The following GTF2A1L variants were observed in gnomAD, a reference collection of about 807,000 sequenced individuals.
GTF2A1L encodes the protein TFIIA-alpha and beta-like factor.
A neutral mutation model predicts 49.7 loss-of-function variants in GTF2A1L; 48 were observed. That is an observed-to-expected ratio of 0.97 (90% confidence interval 0.77 to 1.23). The LOEUF is 1.23. GTF2A1L is among the 50% of genes most tolerant of loss of function. The pLI is 0.00. For synonymous variants in GTF2A1L, 246 were observed against 193.5 expected, an observed-to-expected ratio of 1.27 and a Z score of -2.25; for missense variants, 736 against 564.8, an observed-to-expected ratio of 1.30 and a Z score of -3.07.
At chr2:48,621,914 A>C (rs553542604) in intron 3 of GTF2A1L, among the ~76,000 whole-genome samples, 8 of 152,234 alleles carry the variant, frequency 5.3e-5, no homozygotes, top group African/African-American at 1.9e-4. Flanking sequence ...ATAAAACTTA[A>C]GAGTTTTCTA....
At chr2:48,631,693 T>C (rs950482153) in intron 3 of GTF2A1L, among the ~76,000 whole-genome samples, 1 of 152,184 alleles carries the variant, frequency 6.6e-6, no homozygotes, top group Non-Finnish European at 1.5e-5. Flanking sequence ...GTTATTTCTT[T>C]TCATCTGGCT....
At chr2:48,666,038 G>A (rs1678821882) in intron 6 of GTF2A1L, among the ~76,000 whole-genome samples, 1 of 151,898 alleles carries the variant, frequency 6.6e-6, no homozygotes, top group South Asian at 2.1e-4. Flanking sequence ...TATATTTAAT[G>A]TTTTTTATTT....
At chr2:48,634,897 C>T (rs1456909321) in intron 3 of GTF2A1L, among the ~76,000 whole-genome samples, 1 of 152,124 alleles carries the variant, frequency 6.6e-6, no homozygotes, top group African/African-American at 2.4e-5. Context: ...CCAGATTGGG[C>T]ACATCCATCT....
chr2:48,632,600 C>T (rs1258549400), intron 3 of GTF2A1L: 1 of 154,666 alleles, frequency 6.5e-6, no homozygotes, highest in Non-Finnish European at 1.4e-5. Context: ...CCAGGTTAGT[C>T]TCCAACTCCC....
intron 6 of GTF2A1L, among the ~76,000 whole-genome samples, chr2:48,652,919 C>T (rs904318639): frequency 1.3e-5 from 2 of 151,428 alleles, no homozygotes; most frequent in African/African-American, 4.8e-5. Flanking sequence ...TGGACTCGAA[C>T]TAATTGACTT....
At chr2:48,634,930 C>T (rs923434569) in intron 3 of GTF2A1L, among the ~76,000 whole-genome samples, 1 of 152,188 alleles carries the variant, frequency 6.6e-6, no homozygotes, top group Non-Finnish European at 1.5e-5. Context: ...GTGGCAGGTA[C>T]AAGCACTGAA....
rs1200242555 is a variant in GTF2A1L at position 48,620,856 on chromosome 2, A to T, written c.27A>T (p.Lys9Asn). 1.8e-5 allele frequency: 27 copies of T among 1,497,916 alleles called. No individual in the cohort carries two copies. The highest frequency in any genetic ancestry group is 2.4e-5 in the Non-Finnish European group (27 of 1,124,234). 92.8% of individuals were successfully genotyped at this position (1,497,916 alleles called of 1,614,324 possible). The change falls in exon 2 of 9, where the codon AAA becomes AAT. Residue 9 changes from lysine to asparagine, a missense_variant. Physicochemically the swap from Lys to Asn is moderately conservative, Grantham distance 94 (BLOSUM62 0). Transcript: ENST00000403751. Reference sequence around the variant, plus strand: ...TAACAATTGCTTTTATGTAGCCTAAACTCTACAGATCTGTAATTGAAGATG... The same window carrying T: ...TAACAATTGCTTTTATGTAGCCTAATCTCTACAGATCTGTAATTGAAGATG... MACLNPVPKLYRSVIEDVI... is the reference protein window; with the variant it reads MACLNPVPNLYRSVIEDVI...
intron 1 of GTF2A1L, among the ~76,000 whole-genome samples, chr2:48,618,461 G>A (rs1464409380): frequency 3.3e-5 from 5 of 152,076 alleles, no homozygotes; most frequent in Non-Finnish European, 7.4e-5. Flanking sequence ...GTGGCACTTA[G>A]GAGACCATCA....
Position 48,669,753 on chromosome 2 carries a change from G to A in GTF2A1L, c.1010G>A (p.Arg337Gln), listed in dbSNP as rs199722656. ...AATTCTCAGGTGGATTTAAGCATTC[G>A]GGTTACTGATGATGATATTGGTGAA... ...DSNSQVDLSI[R>Q]VTDDDIGEII... The change falls in exon 7 of 9, where the codon CGG becomes CAG. Residue 337 changes from arginine (R) to glutamine (Q), a missense_variant. Coordinates refer to ENST00000403751, the MANE Select transcript of GTF2A1L (RefSeq NM_006872.5). 13 of 1,610,418 alleles carry A rather than the reference G, an allele frequency of 8.1e-6. No individual in the cohort carries two copies. The highest frequency in any genetic ancestry group is 3.3e-5 in the Admixed American group (2 of 59,872).
chr2:48,634,104 A>G (rs1156980870), intron 3 of GTF2A1L, among the ~76,000 whole-genome samples: 3 of 151,992 alleles, frequency 2.0e-5, no homozygotes, highest in Admixed American at 6.6e-5. Context: ...CAAGGTTAAT[A>G]TTGATATGTG....
At chr2:48,674,965 G>T (rs575852590) in intron 8 of GTF2A1L, among the ~76,000 whole-genome samples, 1 of 152,212 alleles carries the variant, frequency 6.6e-6, no homozygotes, top group East Asian at 1.9e-4. Context: ...TTTAAAAGGG[G>T]AGTGATGTAG....
chr2:48,619,069 T>G lies in GTF2A1L; in HGVS notation c.21+1174T>G, dbSNP rs76388023. Among the ~76,000 whole-genome samples the G allele has an allele frequency of 4.3e-3, 653 of 152,330 alleles. 7 individuals carry two copies. The highest frequency in any genetic ancestry group is 0.015 in the African/African-American group (619 of 41,570). ...CACCTAATTTAGGGGCATTTAGTCT[T>G]AATGCATGTGCTTGTGAATAACATT... On this transcript the variant is annotated intron_variant, in intron 1 of 8. Coordinates refer to ENST00000403751, the MANE Select transcript of GTF2A1L (RefSeq NM_006872.5).
chr2:48,618,738 T>G (rs568331719), intron 1 of GTF2A1L, among the ~76,000 whole-genome samples: 5 of 152,356 alleles, frequency 3.3e-5, no homozygotes, highest in African/African-American at 9.6e-5. Context: ...TGCCAATTTA[T>G]CTGATTGTGA....
At chr2:48,619,965 G>A (rs1675887481) in intron 1 of GTF2A1L, among the ~76,000 whole-genome samples, 1 of 152,158 alleles carries the variant, frequency 6.6e-6, no homozygotes, top group African/African-American at 2.4e-5. Context: ...ATCCGTTTTG[G>A]AACAGGTGTA....
At chr2:48,637,334 C>A (rs907131845) in intron 3 of GTF2A1L, among the ~76,000 whole-genome samples, 2 of 152,100 alleles carry the variant, frequency 1.3e-5, no homozygotes, top group South Asian at 4.2e-4. Context: ...TATTGTTATG[C>A]CATGTTAGTG....
chr2:48,619,871 A>T (rs1472253410), intron 1 of GTF2A1L, among the ~76,000 whole-genome samples: 2 of 152,170 alleles, frequency 1.3e-5, no homozygotes, highest in African/African-American at 4.8e-5. Context: ...ACTAGGAGGT[A>T]TTTTAGAATG....
At chr2:48,657,026 T>C (rs1029372339) in intron 6 of GTF2A1L, among the ~76,000 whole-genome samples, 3 of 152,232 alleles carry the variant, frequency 2.0e-5, no homozygotes, top group Non-Finnish European at 4.4e-5. Flanking sequence ...TGCTGGGATC[T>C]TTATTTTATT....
At chr2:48,650,092 T>C (rs548461638) in intron 6 of GTF2A1L, among the ~76,000 whole-genome samples, 1 of 152,346 alleles carries the variant, frequency 6.6e-6, no homozygotes, top group South Asian at 2.1e-4. Context: ...TTCTGTTTTG[T>C]CACCTGAAGT....
At chr2:48,657,367 G>A (rs77948705) in intron 6 of GTF2A1L, among the ~76,000 whole-genome samples, 2,699 of 152,190 alleles carry the variant, frequency 0.018, 85 homozygotes, top group African/African-American at 0.062. Context: ...ATGGTTTTCT[G>A]TTCCTGTGTT....
Sources: allele counts gnomAD v4.1 joint callset (sites outside exome capture counted in the v4.1 genomes callset), GRCh38; gene constraint gnomAD v4.1.1; transcripts MANE v1.5; gene names NCBI Gene and HGNC (gene_info 2026-07-23, HGNC 2026-07-21).